Variants in PRKG2 observed in about 807,000 individuals in gnomAD.
PRKG2 encodes the protein cGMP-dependent protein kinase 2.
Under a neutral mutation model 97.2 loss-of-function variants are expected in PRKG2, and 33 were observed. That is an observed-to-expected ratio of 0.34 (90% CI 0.26 to 0.45). PRKG2 has a LOEUF of 0.45. Ranked by LOEUF, PRKG2 falls within the 20% of genes least tolerant of loss-of-function variation. The pLI is 1.00. For missense variants in PRKG2, 638 were observed against 900.0 expected (o/e 0.71, Z 3.73); for synonymous variants, 330 against 321.8 (o/e 1.03, Z -0.27).
At chr4:81,151,070 C>G (rs1284763942) in intron 8 of PRKG2, among the ~76,000 whole-genome samples, 1 of 151,962 alleles carries the variant, frequency 6.6e-6, no homozygotes, top group Admixed American at 6.6e-5. Context: ...TTTTTCTTTG[C>G]TCTGTACTTA....
At position 81,129,743 on chromosome 4, in the gene PRKG2, G is replaced by A. The variant is rs201865303; in HGVS notation, c.1776+5412C>T. On this transcript the variant is annotated intron_variant, in intron 14 of 18. Transcript: ENST00000264399. ...TATGTGTGTCTTTGCACATGAGACGGTTCTCCTGAAAACAGCACACCGATG... is the reference window on the plus strand; with the variant it reads ...TATGTGTGTCTTTGCACATGAGACGATTCTCCTGAAAACAGCACACCGATG... Among the ~76,000 whole-genome samples the A allele has an allele frequency of 2.6e-5, 4 of 152,106 alleles. No homozygotes were observed. In the East Asian group the frequency reaches 7.7e-4, roughly 29 times the overall value.
In PRKG2 at chr4:81,196,665, T is replaced by A. The variant is rs559371833; in HGVS notation, c.461+7922A>T. ...GGCATCACAAATAACCCAAGAAGGA[T>A]TAAACAGATGTTGGGGGACCCTGAT... On this transcript the variant is annotated intron_variant, in intron 2 of 18. Coordinates refer to ENST00000264399, the MANE Select transcript of PRKG2 (RefSeq NM_006259.3). Among the ~76,000 whole-genome samples the A allele has an allele frequency of 2.0e-5, 3 of 152,108 alleles. No individual in the cohort carries two copies. In the East Asian group the frequency reaches 5.8e-4, roughly 29 times the overall value.
intron 18 of PRKG2, among the ~76,000 whole-genome samples, chr4:81,090,791 CA>C (rs765715659): frequency 2.4e-4 from 36 of 152,236 alleles, no homozygotes; most frequent in Non-Finnish European, 4.0e-4. Flanking sequence ...TGTGAGAACA[CA>C]ATTCTTAGAA....
At chr4:81,089,831 GA>G in intron 18 of PRKG2, 28 bp from the exon 19 acceptor site, 1 of 1,534,374 alleles carries the variant, frequency 6.5e-7, no homozygotes, top group Non-Finnish European at 9.0e-7. Flanking sequence ...AAAACAAAAG[GA>G]AGAATAATGT....
chr4:81,171,748 T>C lies in PRKG2; in HGVS notation c.685A>G (p.Thr229Ala), dbSNP rs1750495639. 9 of 1,611,644 alleles carry C rather than the reference T, an allele frequency of 5.6e-6. No individual in the cohort carries two copies. The highest frequency in any genetic ancestry group is 7.6e-6 in the Non-Finnish European group (9 of 1,178,822). Reference protein sequence around the residue: ...EKLLSSIPMWTTFGELAILYN... With the variant: ...EKLLSSIPMWATFGELAILYN... ...AAAATGGCAAGCTCCCCAAATGTGG[T>C]CCACATAGGGATGGAGGACAGCAAT... The change falls in exon 4 of 19, where the codon ACC (threonine) becomes GCC (alanine). Residue 229 changes from threonine (T) to alanine (A), a missense_variant. This residue lies in a region of PRKG2 where 332 missense variants were observed against 421.7 expected (regional missense o/e 0.79). Transcript: ENST00000264399.
intron 15 of PRKG2, among the ~76,000 whole-genome samples, chr4:81,107,480 T>C (rs982245875): frequency 6.6e-6 from 1 of 151,944 alleles, no homozygotes; most frequent in African/African-American, 2.4e-5. Flanking sequence ...GGGAAGAAAA[T>C]TCTAGAAGCC....
chr4:81,119,424 A>G (rs770073224), intron 14 of PRKG2, among the ~76,000 whole-genome samples: 1 of 152,196 alleles, frequency 6.6e-6, no homozygotes, highest in Non-Finnish European at 1.5e-5. Flanking sequence ...GACTATGTTT[A>G]CATGGATCTA....
intron 14 of PRKG2, among the ~76,000 whole-genome samples, chr4:81,134,029 C>A (rs1320230232): frequency 6.6e-6 from 1 of 152,084 alleles, no homozygotes; most frequent in Non-Finnish European, 1.5e-5. Flanking sequence ...GATTGGGGTC[C>A]TGTGTTAGTA....
chr4:81,108,386 C>A (rs142466805), intron 15 of PRKG2, among the ~76,000 whole-genome samples: 48 of 151,694 alleles, frequency 3.2e-4, no homozygotes, highest in African/African-American at 1.1e-3. Context: ...CAACTTTTTA[C>A]TAAACTATAT....
intron 17 of PRKG2, among the ~76,000 whole-genome samples, chr4:81,096,818 T>C (rs1367088313): frequency 6.6e-6 from 1 of 152,190 alleles, no homozygotes; most frequent in Non-Finnish European, 1.5e-5. Context: ...TTCTAACACA[T>C]CTGCATTTAC....
At chr4:81,176,874 C>T (rs534580723) in intron 2 of PRKG2, among the ~76,000 whole-genome samples, 1 of 152,048 alleles carries the variant, frequency 6.6e-6, no homozygotes, top group African/African-American at 2.4e-5. Flanking sequence ...CTCAAAAAGA[C>T]TCTTTTGTCC....
chr4:81,094,162 A>G (rs1245297385), intron 17 of PRKG2, among the ~76,000 whole-genome samples: 1 of 152,224 alleles, frequency 6.6e-6, no homozygotes, highest in Non-Finnish European at 1.5e-5. Context: ...GTACCCTACA[A>G]GTATATCAGC....
intron 17 of PRKG2, among the ~76,000 whole-genome samples, chr4:81,102,675 TA>T (rs1742920639): frequency 6.6e-6 from 1 of 152,206 alleles, no homozygotes; most frequent in African/African-American, 2.4e-5. Flanking sequence ...CCTTTCTTAC[TA>T]AAAACATCCT....
intron 9 of PRKG2, among the ~76,000 whole-genome samples, chr4:81,148,093 G>C (rs1022500645): frequency 3.9e-5 from 6 of 151,910 alleles, no homozygotes; most frequent in Admixed American, 3.9e-4. Flanking sequence ...TATATCTCTA[G>C]ACTCTATTTT....
At chr4:81,189,908 C>T (rs1752329825) in intron 2 of PRKG2, among the ~76,000 whole-genome samples, 1 of 152,098 alleles carries the variant, frequency 6.6e-6, no homozygotes, top group South Asian at 2.1e-4. Flanking sequence ...CTACAAACCA[C>T]TCTGCAAGGA....
rs1248673586 is a variant in PRKG2 at position 81,140,519 on chromosome 4, A to G, written c.1544+14T>C. The G allele has an allele frequency of 1.3e-6, 2 of 1,558,460 alleles. No homozygotes were observed. The highest frequency in any genetic ancestry group is 8.7e-7 in the Non-Finnish European group (1 of 1,148,610). On this transcript the variant is annotated intron_variant, in intron 12 of 18. Coordinates refer to ENST00000264399, the MANE Select transcript of PRKG2 (RefSeq NM_006259.3). ...TGAAAATCCTAACTCCTTGGAAGCC[A>G]AGTGGTCACTTACTTCACAATGAAT...
chr4:81,155,483 G>A (rs987288417), intron 6 of PRKG2, among the ~76,000 whole-genome samples: 5 of 152,138 alleles, frequency 3.3e-5, no homozygotes, highest in Admixed American at 6.5e-5. Flanking sequence ...GGGGAGAACG[G>A]AACCAAGTTG....
At chr4:81,133,771 C>T (rs1289032763) in intron 14 of PRKG2, among the ~76,000 whole-genome samples, 3 of 151,920 alleles carry the variant, frequency 2.0e-5, no homozygotes, top group African/African-American at 7.3e-5. Flanking sequence ...ATTTATTGAC[C>T]TCTATGCCTA....
intron 6 of PRKG2, among the ~76,000 whole-genome samples, chr4:81,166,659 G>A (rs1172736403): frequency 6.6e-6 from 1 of 152,064 alleles, no homozygotes; most frequent in Admixed American, 6.6e-5. Context: ...AATAGATAAA[G>A]TGCTTCTTAA....
Sources: gnomAD v4.1 joint callset for allele counts (sites outside exome capture counted in the v4.1 genomes callset) on GRCh38, gnomAD v4.1.1 for gene constraint, gnomAD v4.1.1 regional missense constraint, MANE v1.5 for transcripts, NCBI Gene and HGNC (gene_info 2026-07-23, HGNC 2026-07-21) for gene names.